The following RCOR1 variants were observed in gnomAD, a reference collection of about 807,000 sequenced individuals.
RCOR1 encodes REST corepressor 1.
Under a neutral mutation model 64.0 loss-of-function variants are expected in RCOR1, and 12 were observed. That is an observed-to-expected ratio of 0.19 (90% CI 0.12 to 0.30). RCOR1 has a LOEUF of 0.30. RCOR1 is among the 10% of genes least tolerant of loss of function. The probability of loss-of-function intolerance (pLI) is 1.00; values close to 1 mark genes in which losing one functional copy is unlikely to be tolerated. For missense variants in RCOR1, 502 were observed against 621.2 expected (o/e 0.81, Z 2.04); for synonymous variants, 279 against 227.2 (o/e 1.23, Z -2.05).
chr14:102,714,091 C>T (rs1246210911), intron 7 of RCOR1, among the ~76,000 whole-genome samples: 2 of 152,004 alleles, frequency 1.3e-5, no homozygotes, highest in African/African-American at 2.4e-5. Context: ...TGTGTGTGGC[C>T]ACAAAACTCA....
intron 3 of RCOR1, among the ~76,000 whole-genome samples, chr14:102,698,055 G>T (rs1895681927): frequency 6.6e-6 from 1 of 152,172 alleles, no homozygotes; most frequent in South Asian, 2.1e-4. Context: ...TGACTTTAAA[G>T]GTTACCTTAG....
intron 2 of RCOR1, among the ~76,000 whole-genome samples, chr14:102,620,365 C>T (rs1893849902): frequency 6.8e-6 from 1 of 146,654 alleles, no homozygotes; most frequent in African/African-American, 2.4e-5. Flanking sequence ...GTCGGGAGTT[C>T]AATACCAGCC....
intron 2 of RCOR1, among the ~76,000 whole-genome samples, chr14:102,630,887 G>C (rs566592819): frequency 6.6e-6 from 1 of 152,162 alleles, no homozygotes; most frequent in South Asian, 2.1e-4. Flanking sequence ...AATGGGGGCC[G>C]GTGTCATCTG....
At chr14:102,603,163 T>A (rs1299398510) in intron 2 of RCOR1, among the ~76,000 whole-genome samples, 1 of 152,010 alleles carries the variant, frequency 6.6e-6, no homozygotes, top group Non-Finnish European at 1.5e-5. Flanking sequence ...TACTGTAGCC[T>A]TGAACTTCTA....
chr14:102,657,985 T>C lies in RCOR1; in HGVS notation c.362-23910T>C, dbSNP rs1228708494. ...ATTTAATTTAATTAATTTTTATTTA[T>C]TTATTTTGAGACAGAGTCTTGCTCT... On this transcript the variant is annotated intron_variant, in intron 2 of 11. Transcript: ENST00000262241. 3 of 951,488 alleles carry C rather than the reference T, an allele frequency of 3.2e-6. No homozygotes were observed. In the African/African-American group the frequency reaches 5.3e-5, roughly 17 times the overall value. 58.9% of individuals were successfully genotyped at this position (951,488 alleles called of 1,614,324 possible). A position where few individuals can be genotyped will look rare whatever the true frequency, so the allele number is the denominator to read the frequency against.
In RCOR1 at chr14:102,692,890, C is replaced by T. The variant is rs559932141; in HGVS notation, c.446-8388C>T. Reference sequence around the variant, plus strand: ...AAGCAATTCTCGTGCCTCAGCCTCCCGAGTAGCTGGAATTACAGGCATGTA... The same window carrying T: ...AAGCAATTCTCGTGCCTCAGCCTCCTGAGTAGCTGGAATTACAGGCATGTA... On this transcript the variant is annotated intron_variant, in intron 3 of 11. Coordinates refer to ENST00000262241, the MANE Select transcript of RCOR1 (RefSeq NM_015156.4). Among the ~76,000 whole-genome samples, 430 of 151,784 alleles carry T rather than the reference C, an allele frequency of 2.8e-3. 2 individuals carry two copies. Among genetic ancestry groups the T allele is most frequent in the Non-Finnish European group, 4.3e-3 (292 of 67,894 alleles).
At chr14:102,661,185 A>C (rs1321256419) in intron 2 of RCOR1, among the ~76,000 whole-genome samples, 2 of 152,104 alleles carry the variant, frequency 1.3e-5, no homozygotes, top group African/African-American at 4.8e-5. Context: ...TGTCTGTACT[A>C]AAAATACAAA....
chr14:102,608,792 T>C (rs1485124752), intron 2 of RCOR1, among the ~76,000 whole-genome samples: 2 of 150,692 alleles, frequency 1.3e-5, no homozygotes, highest in African/African-American at 4.9e-5. Flanking sequence ...CTCTAACTCC[T>C]GACCTCAAGC....
intron 2 of RCOR1, chr14:102,657,749 A>T: frequency 2.1e-6 from 1 of 467,954 alleles, no homozygotes; most frequent in Non-Finnish European, 2.8e-6. Flanking sequence ...GAGGTGAGAG[A>T]ATCACTTGAA....
chr14:102,606,967 T>C (rs1206628579), intron 2 of RCOR1, among the ~76,000 whole-genome samples: 1 of 139,432 alleles, frequency 7.2e-6, no homozygotes, highest in African/African-American at 2.7e-5. Context: ...GAAGTCTCAC[T>C]CTGTCGCCCA....
Position 102,654,006 on chromosome 14 carries a change from G to A in RCOR1, c.362-27889G>A, listed in dbSNP as rs1365907588. Among the ~76,000 whole-genome samples, 139 of 49,898 alleles carry A rather than the reference G, an allele frequency of 2.8e-3. 1 individual carries two copies. Among genetic ancestry groups the A allele is most frequent in the Non-Finnish European group, 4.0e-3 (119 of 30,098 alleles). 32.7% of individuals were successfully genotyped at this position (49,898 alleles called of 152,430 possible). On this transcript the variant is annotated intron_variant, in intron 2 of 11. Transcript: ENST00000262241. ...TTCTTTTTTTTTTTTTTTTTTTTGAGACGGAGTCTGGCTCTGTCGCCCAGG... is the reference window on the plus strand; with the variant it reads ...TTCTTTTTTTTTTTTTTTTTTTTGAAACGGAGTCTGGCTCTGTCGCCCAGG...
intron 2 of RCOR1, among the ~76,000 whole-genome samples, chr14:102,626,026 T>A (rs1893974149): frequency 6.6e-6 from 1 of 152,184 alleles, no homozygotes; most frequent in Non-Finnish European, 1.5e-5. Context: ...TCATACCCTT[T>A]TATCTCTGTT....
chr14:102,721,442 A>G (rs1213113872), intron 10 of RCOR1, 65 bp downstream of exon 10: 3 of 1,221,510 alleles, frequency 2.5e-6, no homozygotes, highest in Non-Finnish European at 3.6e-6. Flanking sequence ...TGTAATCCCA[A>G]CATTTTGGAA....
At chr14:102,668,439 A>G (rs557066140) in intron 2 of RCOR1, among the ~76,000 whole-genome samples, 1 of 152,332 alleles carries the variant, frequency 6.6e-6, no homozygotes, top group African/African-American at 2.4e-5. Context: ...GTTACCAAGC[A>G]ATTAACAATC....
chr14:102,594,259 A>G (rs562814539), intron 2 of RCOR1, among the ~76,000 whole-genome samples: 3 of 152,362 alleles, frequency 2.0e-5, no homozygotes, highest in East Asian at 3.9e-4. Flanking sequence ...AATAAAATTC[A>G]AAAGAGCATC....
At chr14:102,599,040 G>A (rs1372533201) in intron 2 of RCOR1, among the ~76,000 whole-genome samples, 1 of 152,102 alleles carries the variant, frequency 6.6e-6, no homozygotes, top group East Asian at 1.9e-4. Flanking sequence ...AGGGTAAGAG[G>A]GGGGATGCTT....
At chr14:102,598,737 C>A (rs1653247367) in intron 2 of RCOR1, among the ~76,000 whole-genome samples, 1 of 152,154 alleles carries the variant, frequency 6.6e-6, no homozygotes, top group Non-Finnish European at 1.5e-5. Context: ...CGTGAGCCGC[C>A]ACGCCTGGCC....
At chr14:102,667,615 A>G (rs1894941331) in intron 2 of RCOR1, among the ~76,000 whole-genome samples, 1 of 152,202 alleles carries the variant, frequency 6.6e-6, no homozygotes, top group Non-Finnish European at 1.5e-5. Flanking sequence ...TGCAACCTTT[A>G]AGACAGGACA....
chr14:102,728,221 C>A lies in RCOR1; in HGVS notation c.*1715C>A, dbSNP rs1159741562. On this transcript the variant is annotated 3_prime_UTR_variant, in exon 12 of 12. Coordinates refer to ENST00000262241, the MANE Select transcript of RCOR1 (RefSeq NM_015156.4). Reference sequence around the variant, plus strand: ...AGAAAGGTCATTCAAAAGGAAAGTACAATGGGACTTGCTGCCCTTCATCAT... The same window carrying A: ...AGAAAGGTCATTCAAAAGGAAAGTAAAATGGGACTTGCTGCCCTTCATCAT... The A allele has an allele frequency of 6.6e-6, 1 of 152,028 alleles. No individual in the cohort carries two copies. Among genetic ancestry groups the A allele is most frequent in the East Asian group, 1.9e-4 (1 of 5,188 alleles). The allele number at this position is 152,028 out of a possible 1,614,324, so 9.4% of individuals were successfully genotyped here.
Sources: allele counts gnomAD v4.1 joint callset (sites outside exome capture counted in the v4.1 genomes callset), GRCh38; gene constraint gnomAD v4.1.1; transcripts MANE v1.5; gene names NCBI Gene and HGNC (gene_info 2026-07-23, HGNC 2026-07-21).